NEK1: variants seen among roughly 807,000 people sequenced by gnomAD.
The protein encoded by NEK1 is serine/threonine-protein kinase Nek1.
Under a neutral mutation model 182.1 loss-of-function variants are expected in NEK1, and 137 were observed. The ratio of observed to expected loss-of-function variants is 0.75; its 90% CI spans 0.65 to 0.87. The LOEUF is 0.87. Ranked by LOEUF, NEK1 falls within the 40% of genes least tolerant of loss-of-function variation. NEK1 has a pLI of 0.00. For synonymous variants in NEK1, 513 were observed against 492.2 expected, an observed-to-expected ratio of 1.04 and a Z score of -0.56; for missense variants, 1,391 against 1,494.4, an observed-to-expected ratio of 0.93 and a Z score of 1.14.
intron 28 of NEK1, 74 bp from the exon 29 acceptor site, chr4:169,433,739 AAAT>A: frequency 7.0e-7 from 1 of 1,432,852 alleles, no homozygotes; most frequent in Non-Finnish European, 9.6e-7. Context: ...AACTTGCTAT[AAAT>A]TATTGCTACC....
intron 18 of NEK1, among the ~76,000 whole-genome samples, chr4:169,546,758 T>C (rs113868801): frequency 6.6e-6 from 1 of 152,248 alleles, no homozygotes; most frequent in Non-Finnish European, 1.5e-5. Context: ...TTGATCTTTG[T>C]TGGTTTAAAG....
intron 19 of NEK1, among the ~76,000 whole-genome samples, chr4:169,530,769 A>T (rs1757553870): frequency 1.3e-5 from 2 of 151,486 alleles, no homozygotes; most frequent in Non-Finnish European, 2.9e-5. Flanking sequence ...GGGGTGATGG[A>T]ATTGTTCTGT....
chr4:169,531,586 G>A (rs1006193018), intron 19 of NEK1, among the ~76,000 whole-genome samples: 12 of 151,948 alleles, frequency 7.9e-5, no homozygotes, highest in Admixed American at 6.6e-4. Flanking sequence ...GATAAGTGAT[G>A]GAATAAGGCC....
intron 29 of NEK1, among the ~76,000 whole-genome samples, chr4:169,427,383 C>T (rs1200608516): frequency 6.6e-6 from 1 of 152,196 alleles, no homozygotes; most frequent in Non-Finnish European, 1.5e-5. Context: ...GCCTCGGCCT[C>T]CCAAAGTGCT....
chr4:169,526,763 T>A lies in NEK1; in HGVS notation c.1665+11046A>T, dbSNP rs190685507. ...ATATTTTAAAATATCAGAAAACACA[T>A]ATTGGGTTTAAGACCTGAATCTGTT... On this transcript the variant is annotated intron_variant, in intron 19 of 35. Coordinates refer to ENST00000507142, the MANE Select transcript of NEK1 (RefSeq NM_001199397.3). Among the ~76,000 whole-genome samples, 5 of 152,280 alleles carry A rather than the reference T, an allele frequency of 3.3e-5. No individual in the cohort carries two copies. In the East Asian group the frequency reaches 5.8e-4, roughly 18 times the overall value.
At chr4:169,441,781 G>A (rs1404967303) in intron 27 of NEK1, among the ~76,000 whole-genome samples, 2 of 151,692 alleles carry the variant, frequency 1.3e-5, no homozygotes, top group Non-Finnish European at 3.0e-5. Flanking sequence ...AGGGTCTAGA[G>A]ATCAACCAGT....
At chr4:169,419,864 G>A (rs1417921514) in intron 31 of NEK1, among the ~76,000 whole-genome samples, 1 of 152,050 alleles carries the variant, frequency 6.6e-6, no homozygotes, top group Non-Finnish European at 1.5e-5. Flanking sequence ...AAACACTAAG[G>A]TATAGTCAAA....
chr4:169,565,872 TTGAC>T (rs1246503030), intron 12 of NEK1, among the ~76,000 whole-genome samples: 1 of 152,192 alleles, frequency 6.6e-6, no homozygotes, highest in Non-Finnish European at 1.5e-5. Context: ...TGTTCTAAAA[TTGAC>T]TGTGCAGATC....
chr4:169,562,528 T>G (rs1014921411), intron 12 of NEK1, among the ~76,000 whole-genome samples: 1 of 152,018 alleles, frequency 6.6e-6, no homozygotes, highest in Non-Finnish European at 1.5e-5. Context: ...TTTAAAAAAA[T>G]TAGTGACACA....
chr4:169,395,898 A>G (rs1160796198), intron 35 of NEK1, among the ~76,000 whole-genome samples: 1 of 152,232 alleles, frequency 6.6e-6, no homozygotes, highest in African/African-American at 2.4e-5. Flanking sequence ...GAAACACTAC[A>G]TAAATGGTGT....
intron 3 of NEK1, among the ~76,000 whole-genome samples, 175 bp downstream of exon 3, chr4:169,602,339 A>G (rs1487377448): frequency 6.6e-6 from 1 of 152,200 alleles, no homozygotes; most frequent in Non-Finnish European, 1.5e-5. Context: ...ACATAAGCAC[A>G]TATCATAGAA....
At chr4:169,408,292 G>C (rs1732987836) in intron 31 of NEK1, among the ~76,000 whole-genome samples, 5 of 151,986 alleles carry the variant, frequency 3.3e-5, no homozygotes, top group Admixed American at 3.3e-4. Flanking sequence ...CTTACCTCCT[G>C]GAACAGGTTT....
At chr4:169,491,659 A>G (rs975014031) in intron 23 of NEK1, among the ~76,000 whole-genome samples, 1 of 152,344 alleles carries the variant, frequency 6.6e-6, no homozygotes. Flanking sequence ...TACCACAAGA[A>G]CATATCAAAG....
At chr4:169,530,376 T>G (rs1256551773) in intron 19 of NEK1, among the ~76,000 whole-genome samples, 1 of 152,154 alleles carries the variant, frequency 6.6e-6, no homozygotes, top group African/African-American at 2.4e-5. Flanking sequence ...AAATGTACCT[T>G]AAGTACCCAT....
chr4:169,406,583 A>ACAG lies in NEK1; in HGVS notation c.3374+12_3374+13insCTG. On this transcript the variant is annotated intron_variant, in intron 32 of 35. Coordinates refer to ENST00000507142, the MANE Select transcript of NEK1 (RefSeq NM_001199397.3). ...AATCTTTTAATGCTGTTTACTAATGACATTATACTTACATGTCTTCAGAAT... is the reference window on the plus strand; with the variant it reads ...AATCTTTTAATGCTGTTTACTAATGACAGCATTATACTTACATGTCTTCAGAAT... The ACAG allele has an allele frequency of 6.4e-7, 1 of 1,562,744 alleles. No homozygotes were observed. Among genetic ancestry groups the ACAG allele is most frequent in the South Asian group, 1.2e-5 (1 of 81,186 alleles).
intron 23 of NEK1, among the ~76,000 whole-genome samples, chr4:169,492,502 GA>G (rs1439968679): frequency 6.6e-6 from 1 of 152,116 alleles, no homozygotes; most frequent in African/African-American, 2.4e-5. Flanking sequence ...AACAGCTGGG[GA>G]GCCCCTCAGC....
At chr4:169,456,657 T>C (rs1160403217) in intron 27 of NEK1, among the ~76,000 whole-genome samples, 2 of 152,156 alleles carry the variant, frequency 1.3e-5, no homozygotes, top group African/African-American at 4.8e-5. Context: ...TGGAGGTTCC[T>C]CCAGAAACTA....
At chr4:169,478,446 G>A (rs1025402883) in intron 24 of NEK1, 1 of 152,000 alleles carries the variant, frequency 6.6e-6, no homozygotes, top group Non-Finnish European at 1.5e-5. Context: ...ACCACACAGT[G>A]GTATCTAAAG....
intron 12 of NEK1, among the ~76,000 whole-genome samples, chr4:169,569,460 C>CTCCG (rs1464874066): frequency 2.1e-5 from 2 of 97,274 alleles, no homozygotes; most frequent in East Asian, 6.1e-4. Context: ...CCCTCCCTCT[C>CTCCG]TCCCTCCCTC....
Sources: gnomAD v4.1 joint callset for allele counts (sites outside exome capture counted in the v4.1 genomes callset) on GRCh38, gnomAD v4.1.1 for gene constraint, MANE v1.5 for transcripts, NCBI Gene and HGNC (gene_info 2026-07-23, HGNC 2026-07-21) for gene names.